MTFMT: variants seen among roughly 807,000 people sequenced by gnomAD.
The protein encoded by MTFMT is methionyl-tRNA formyltransferase, mitochondrial.
In MTFMT, 47 loss-of-function variants were observed where a neutral mutation model predicts 51.8. The ratio of observed to expected loss-of-function variants is 0.91; its 90% CI spans 0.72 to 1.16. The LOEUF is 1.16. Ranked by LOEUF, MTFMT falls within the 50% of genes most tolerant of loss-of-function variation. MTFMT has a pLI of 0.00. For synonymous variants in MTFMT, 196 were observed against 176.7 expected (o/e 1.11, Z -0.87); for missense variants, 512 against 482.3 (o/e 1.06, Z -0.58).
intron 1 of MTFMT, among the ~76,000 whole-genome samples, chr15:65,028,042 G>A (rs1024640482): frequency 3.9e-5 from 6 of 152,166 alleles, no homozygotes; most frequent in African/African-American, 7.2e-5. Flanking sequence ...GTATGTACAC[G>A]TTGAGGAGTT....
chr15:65,010,309 C>T (rs904501198), intron 6 of MTFMT, among the ~76,000 whole-genome samples: 3 of 152,074 alleles, frequency 2.0e-5, no homozygotes, highest in African/African-American at 7.2e-5. Context: ...ACCAATGTCA[C>T]TCGTTTTTTT....
intron 3 of MTFMT, 86 bp from the exon 4 acceptor site, chr15:65,021,702 G>C: frequency 9.2e-7 from 1 of 1,084,796 alleles, no homozygotes; most frequent in Non-Finnish European, 1.3e-6. Context: ...TACAAGCTGG[G>C]TACAGTGGTC....
intron 1 of MTFMT, 177 bp downstream of exon 1, chr15:65,029,228 G>A (rs1180275200): frequency 7.1e-6 from 7 of 980,238 alleles, no homozygotes; most frequent in Non-Finnish European, 7.3e-6. Context: ...GGCGCCCAAA[G>A]GCTGACCGGC....
At chr15:65,007,726 T>C (rs763859991) in intron 6 of MTFMT, among the ~76,000 whole-genome samples, 22 of 152,246 alleles carry the variant, frequency 1.4e-4, no homozygotes, top group Non-Finnish European at 2.4e-4. Context: ...ATGTGCACTT[T>C]TAATTTATTT....
At chr15:65,009,658 AT>A (rs956494278) in intron 6 of MTFMT, among the ~76,000 whole-genome samples, 22 of 142,890 alleles carry the variant, frequency 1.5e-4, no homozygotes, top group Admixed American at 2.2e-4. Flanking sequence ...TATTTTTTTA[AT>A]TTTTTTTTTT....
At position 65,016,468 on chromosome 15, in the gene MTFMT, T is replaced by C; in HGVS notation, c.781A>G (p.Ile261Val). The change falls in exon 6 of 9, where the codon ATA becomes GTA. Residue 261 changes from isoleucine to valine, a missense_variant. By Grantham distance (29) the Ile-to-Val change is conservative. Coordinates refer to ENST00000220058, the MANE Select transcript of MTFMT (RefSeq NM_139242.4). ...IKWEEQTSEQ[I>V]FRLYRAIGNI... Reference sequence around the variant, plus strand: ...CCAATGGCACGGTAAAGTCTGAATATTTGTTCTGAAGTTTGTTCCTCCCAT... The same window carrying C: ...CCAATGGCACGGTAAAGTCTGAATACTTGTTCTGAAGTTTGTTCCTCCCAT... 1 of 1,612,332 alleles carries C rather than the reference T, an allele frequency of 6.2e-7. No homozygotes were observed. The highest frequency in any genetic ancestry group is 1.1e-5 in the South Asian group (1 of 90,948).
At chr15:65,024,272 CCGAGATCACG>C (rs2086402030) in intron 2 of MTFMT, among the ~76,000 whole-genome samples, 1 of 152,178 alleles carries the variant, frequency 6.6e-6, no homozygotes, top group Non-Finnish European at 1.5e-5. Flanking sequence ...GTGCAGTGAA[CCGAGATCACG>C]CCATTGCACT....
chr15:65,003,291 G>A (rs1595887053), intron 8 of MTFMT, 35 bp from the exon 9 acceptor site: 1 of 1,544,294 alleles, frequency 6.5e-7, no homozygotes. Flanking sequence ...AATAGGCAGG[G>A]GTGGCAAAAC....
At position 65,006,334 on chromosome 15, in the gene MTFMT, G is replaced by A. The variant is rs4776660; in HGVS notation, c.814-143C>T. 0.98 allele frequency: 542,466 copies of A among 554,540 alleles called. 265,828 individuals are homozygous for A. Among genetic ancestry groups the A allele is most frequent in the East Asian group, 1 (28,880 of 28,894 alleles). The allele number at this position is 554,540 out of a possible 1,614,324, so 34.4% of individuals were successfully genotyped here. Reference sequence around the variant, plus strand: ...GTCACTAAGTTTGATGGAACAGACCGTAAACATGACTCTCTACATCAGTGT... The same window carrying A: ...GTCACTAAGTTTGATGGAACAGACCATAAACATGACTCTCTACATCAGTGT... On this transcript the variant is annotated intron_variant, in intron 6 of 8. Transcript: ENST00000220058.
intron 4 of MTFMT, 107 bp downstream of exon 4, chr15:65,021,405 CTT>C: frequency 1.3e-6 from 1 of 771,414 alleles, no homozygotes. Context: ...AGAAATTACT[CTT>C]TTTTGTTTTT....
At chr15:65,027,138 T>A (rs1353490784) in intron 1 of MTFMT, 98 bp from the exon 2 acceptor site, 3 of 866,316 alleles carry the variant, frequency 3.5e-6, no homozygotes, top group Admixed American at 2.2e-5. Context: ...ATTAATCTCA[T>A]GAAGCATTTA....
Position 65,029,454 on chromosome 15 carries a change from C to G in MTFMT, c.160G>C (p.Gly54Arg). The stretch of plus-strand genomic sequence containing the variant: ...GCCTCGCGGGCGAACTGGTCCGTGC[C>G]GAAGAAGAGCACCCGCCAGGGAGGC... The part of the protein sequence containing the change: ...EKPPWRVLFF[G>R]TDQFAREALR... The change falls in exon 1 of 9, where the codon GGC becomes CGC. Residue 54 changes from glycine to arginine, a missense_variant. Gly to Arg is a moderately radical substitution (Grantham distance 125). Transcript: ENST00000220058. 4 of 1,529,404 alleles carry G rather than the reference C, an allele frequency of 2.6e-6. No individual in the cohort carries two copies. The highest frequency in any genetic ancestry group is 3.5e-6 in the Non-Finnish European group (4 of 1,140,752). 94.7% of individuals were successfully genotyped at this position (1,529,404 alleles called of 1,614,324 possible).
chr15:65,013,041 T>C, intron 6 of MTFMT, among the ~76,000 whole-genome samples: 1 of 151,860 alleles, frequency 6.6e-6, no homozygotes, highest in East Asian at 1.9e-4. Flanking sequence ...GCTCTAATAG[T>C]TTTTTTTGGA....
At chr15:65,017,551 C>T (rs2086334533) in intron 5 of MTFMT, among the ~76,000 whole-genome samples, 1 of 152,056 alleles carries the variant, frequency 6.6e-6, no homozygotes, top group Non-Finnish European at 1.5e-5. Flanking sequence ...GCCAGGCATG[C>T]CTTTGGGAGG....
rs751294162 is a variant in MTFMT, at chr15:65,026,897, T to C, written c.353A>G (p.Tyr118Cys). ...YEWPDVGSGE[Y>C]DVGVVASFGR... ...AAACGAAGCCACTACTCCAACATCA[T>C]ATTCTCCAGATCCCACATCCGGCCA... The change falls in exon 2 of 9, where the codon TAT (tyrosine) becomes TGT (cysteine). Residue 118 changes from tyrosine (Y) to cysteine (C), a missense_variant. By Grantham distance (194) the Tyr-to-Cys change is radical. Coordinates refer to ENST00000220058, the MANE Select transcript of MTFMT (RefSeq NM_139242.4). 15 of 1,613,994 alleles carry C rather than the reference T, an allele frequency of 9.3e-6. No homozygotes were observed. The highest frequency in any genetic ancestry group is 1.3e-5 in the Non-Finnish European group (15 of 1,179,892).
In MTFMT at chr15:65,029,591, C is replaced by T. The variant is rs1272083402; in HGVS notation, c.23G>A (p.Cys8Tyr). 4.8e-6 allele frequency: 7 copies of T among 1,463,300 alleles called. No homozygotes were observed. Among genetic ancestry groups the T allele is most frequent in the Non-Finnish European group, 5.4e-6 (6 of 1,105,022 alleles). 90.6% of individuals were successfully genotyped at this position (1,463,300 alleles called of 1,614,324 possible). ...GCCATGAGCCAGCGGAGGACCCCAA[C>T]AGCGCCGCACCAACACCCTCATCGC... MRVLVRR[C>Y]WGPPLAHGAR... The change falls in exon 1 of 9, where the codon TGT becomes TAT. Residue 8 changes from cysteine (C) to tyrosine (Y), a missense_variant. By Grantham distance (194) the Cys-to-Tyr change is radical (BLOSUM62 -2). Coordinates refer to ENST00000220058, the MANE Select transcript of MTFMT (RefSeq NM_139242.4).
chr15:65,002,962 C>CAG lies in MTFMT; in HGVS notation c.*99_*100insCT. The CAG allele has an allele frequency of 1.6e-5, 5 of 321,598 alleles. No homozygotes were observed. Among genetic ancestry groups the CAG allele is most frequent in the South Asian group, 8.5e-5 (1 of 11,770 alleles). The allele number at this position is 321,598 out of a possible 1,614,324, so 19.9% of individuals were successfully genotyped here. A position where few individuals can be genotyped will look rare whatever the true frequency, so the allele number is the denominator to read the frequency against. ...TGGGTGACAGAGTGAGACTCTGTCT[C>CAG]AAAAAAAAAAAAAAAAAAAAAAGTC... On this transcript the variant is annotated 3_prime_UTR_variant, in exon 9 of 9. Transcript: ENST00000220058.
At chr15:65,009,690 T>TC (rs1238342643) in intron 6 of MTFMT, among the ~76,000 whole-genome samples, 3 of 1,192 alleles carry the variant, frequency 2.5e-3, no homozygotes, top group Admixed American at 0.017. Flanking sequence ...TCTTGCTCTG[T>TC]CATCCAGGCT....
chr15:65,014,416 T>C (rs1298199100), intron 6 of MTFMT, among the ~76,000 whole-genome samples: 1 of 147,748 alleles, frequency 6.8e-6, no homozygotes, highest in Non-Finnish European at 1.5e-5. Context: ...CTCCACCTCC[T>C]GGGTTCAAGC....
Sources: gnomAD v4.1 joint callset for allele counts (sites outside exome capture counted in the v4.1 genomes callset) on GRCh38, gnomAD v4.1.1 for gene constraint, MANE v1.5 for transcripts, NCBI Gene and HGNC (gene_info 2026-07-23, HGNC 2026-07-21) for gene names.